SSBP2: variants seen among roughly 807,000 people sequenced by gnomAD.
SSBP2 encodes single-stranded DNA-binding protein 2.
A neutral mutation model predicts 61.8 loss-of-function variants in SSBP2; 17 were observed. The ratio of observed to expected loss-of-function variants is 0.28; its 90% CI spans 0.19 to 0.41. The LOEUF (loss-of-function observed/expected upper bound fraction) is 0.41. Among genes scored for constraint, SSBP2 ranks in the 10% least tolerant of loss-of-function variants. The probability of loss-of-function intolerance (pLI) is 1.00; values close to 1 mark genes in which losing one functional copy is unlikely to be tolerated. For synonymous variants in SSBP2, 139 were observed against 141.3 expected (o/e 0.98, Z 0.12); for missense variants, 310 against 458.7 (o/e 0.68, Z 2.96).
At chr5:81,526,221 G>GT (rs1160736896) in intron 4 of SSBP2, among the ~76,000 whole-genome samples, 1 of 151,860 alleles carries the variant, frequency 6.6e-6, no homozygotes, top group African/African-American at 2.4e-5. Context: ...AAAAAATTCA[G>GT]TTTTTTTCCC....
At chr5:81,615,718 A>G (rs1016172041) in intron 3 of SSBP2, among the ~76,000 whole-genome samples, 161 bp from the exon 4 acceptor site, 11 of 152,236 alleles carry the variant, frequency 7.2e-5, no homozygotes, top group African/African-American at 2.4e-4. Flanking sequence ...CTCTTCATGC[A>G]ATAACAGTGT....
chr5:81,583,910 T>G (rs528274140), intron 4 of SSBP2, among the ~76,000 whole-genome samples: 9 of 152,360 alleles, frequency 5.9e-5, no homozygotes, highest in Non-Finnish European at 1.2e-4. Context: ...CAACTAGTGT[T>G]AATACCCTAG....
At chr5:81,634,404 G>A (rs930069603) in intron 3 of SSBP2, among the ~76,000 whole-genome samples, 1 of 152,100 alleles carries the variant, frequency 6.6e-6, no homozygotes, top group South Asian at 2.1e-4. Flanking sequence ...AAATGTATTT[G>A]ATTGAAGTCT....
intron 11 of SSBP2, chr5:81,448,002 A>T (rs968668624): frequency 6.6e-6 from 1 of 152,168 alleles, no homozygotes; most frequent in Non-Finnish European, 1.5e-5. Flanking sequence ...TGAAATGCTC[A>T]CTGATTTTCT....
At chr5:81,428,129 C>T (rs1412332758) in intron 16 of SSBP2, among the ~76,000 whole-genome samples, 1 of 152,140 alleles carries the variant, frequency 6.6e-6, no homozygotes, top group Non-Finnish European at 1.5e-5. Flanking sequence ...CAATCACACG[C>T]AAGCAGTGAC....
rs534403812 is a variant in SSBP2 at position 81,543,937 on chromosome 5, AAAC to A, written c.283-30223_283-30221del. On this transcript the variant is annotated intron_variant, in intron 4 of 16. Coordinates refer to ENST00000320672, the MANE Select transcript of SSBP2 (RefSeq NM_012446.5). ...TATGTTTGCTGTGCAATACTGAAAT[AAAC>A]AATATATAATTATAAACAATAATCT... 8.5e-5 allele frequency among the ~76,000 whole-genome samples: 13 copies of A among 152,340 alleles called. No individual in the cohort carries two copies. In the South Asian group the frequency reaches 1.5e-3, roughly 17 times the overall value.
intron 3 of SSBP2, among the ~76,000 whole-genome samples, chr5:81,628,692 A>G (rs868261083): frequency 6.6e-6 from 1 of 152,304 alleles, no homozygotes; most frequent in Middle Eastern, 3.4e-3. Flanking sequence ...TGGGATGCTG[A>G]GTATGGGGTA....
Position 81,493,792 on chromosome 5 carries a change from C to G in SSBP2, c.373-4483G>C, listed in dbSNP as rs1319828737. ...TAAAATAAAATTGTAGAGATGGGTG[C>G]TCGCTCTGCTGCCCAGGCTGGTCTC... On this transcript the variant is annotated intron_variant, in intron 5 of 16. Coordinates refer to ENST00000320672, the MANE Select transcript of SSBP2 (RefSeq NM_012446.5). 2.0e-5 allele frequency among the ~76,000 whole-genome samples: 3 copies of G among 151,970 alleles called. No individual in the cohort carries two copies. In the East Asian group the frequency reaches 5.8e-4, roughly 30 times the overall value.
chr5:81,420,660 A>C, intron 16 of SSBP2, 127 bp from the exon 17 acceptor site: 5 of 732,334 alleles, frequency 6.8e-6, no homozygotes, highest in Admixed American at 5.3e-5. Flanking sequence ...TTTTCATCTC[A>C]TACAACATAA....
At chr5:81,712,728 G>GTTTTTTTTTTTTT (rs34642922) in intron 1 of SSBP2, among the ~76,000 whole-genome samples, 3 of 142,236 alleles carry the variant, frequency 2.1e-5, no homozygotes, top group East Asian at 2.0e-4. Flanking sequence ...TTGTTTCTTT[G>GTTTTTTTTTTTTT]TTTTTTTTTT....
chr5:81,448,116 G>A (rs922606031), intron 11 of SSBP2: 1 of 152,108 alleles, frequency 6.6e-6, no homozygotes, highest in African/African-American at 2.4e-5. Context: ...TCTGTTAGGT[G>A]TTTCCCTCTA....
chr5:81,514,324 T>C (rs904273864), intron 4 of SSBP2, among the ~76,000 whole-genome samples: 7 of 151,824 alleles, frequency 4.6e-5, no homozygotes, highest in African/African-American at 7.3e-5. Context: ...TTGGAGAGAA[T>C]AGTCTCATAC....
At chr5:81,682,558 G>A (rs1001744646) in intron 1 of SSBP2, among the ~76,000 whole-genome samples, 4 of 152,114 alleles carry the variant, frequency 2.6e-5, no homozygotes, top group African/African-American at 9.7e-5. Context: ...ATAACCTACA[G>A]ATAACATATT....
intron 9 of SSBP2, among the ~76,000 whole-genome samples, chr5:81,463,427 T>C (rs1174652326): frequency 3.3e-5 from 5 of 152,194 alleles, no homozygotes; most frequent in African/African-American, 1.2e-4. Flanking sequence ...AGGCTGGACA[T>C]GATAGTTTAT....
intron 1 of SSBP2, among the ~76,000 whole-genome samples, chr5:81,718,848 GTAACTTCTTTAACCATGAAAAGTAGTT>G (rs1444442296): frequency 6.6e-6 from 1 of 152,132 alleles, no homozygotes; most frequent in Admixed American, 6.6e-5. Flanking sequence ...AAGTAAGTCT[GTAACTTCTTTAACCATGAAAAGTAGTT>G]TGGACCACGG....
At chr5:81,750,829 C>T (rs1374676603) in intron 1 of SSBP2, 152 bp downstream of exon 1, 7 of 873,078 alleles carry the variant, frequency 8.0e-6, no homozygotes, top group Non-Finnish European at 1.3e-5. Context: ...GCTCCCCGCA[C>T]CACACGCCCC....
intron 5 of SSBP2, among the ~76,000 whole-genome samples, chr5:81,501,904 T>G (rs971901442): frequency 2.0e-5 from 3 of 152,026 alleles, no homozygotes; most frequent in Non-Finnish European, 4.4e-5. Context: ...ACCCGATTGC[T>G]TGGGAGGATG....
At chr5:81,655,301 A>G (rs746685318) in intron 1 of SSBP2, among the ~76,000 whole-genome samples, 14 of 152,202 alleles carry the variant, frequency 9.2e-5, no homozygotes, top group Non-Finnish European at 7.3e-5. Context: ...TAAGAAATTT[A>G]AGTACTTTAT....
chr5:81,585,410 T>G lies in SSBP2; in HGVS notation c.282+30063A>C, dbSNP rs575339152. Among the ~76,000 whole-genome samples, 22 of 152,276 alleles carry G rather than the reference T, an allele frequency of 1.4e-4. No individual in the cohort carries two copies. In the East Asian group the frequency reaches 2.1e-3, roughly 15 times the overall value. ...ATAAGATATAAGCTAAATCTAGGTC[T>G]TATTCTAAAATTTCATTTGCAAATC... On this transcript the variant is annotated intron_variant, in intron 4 of 16. Coordinates refer to ENST00000320672, the MANE Select transcript of SSBP2 (RefSeq NM_012446.5).
Sources: allele counts gnomAD v4.1 joint callset (sites outside exome capture counted in the v4.1 genomes callset), GRCh38; gene constraint gnomAD v4.1.1; transcripts MANE v1.5; gene names NCBI Gene and HGNC (gene_info 2026-07-23, HGNC 2026-07-21).